Variants in MAPKAP1 observed in about 807,000 individuals in gnomAD.
MAPKAP1 encodes the protein target of rapamycin complex 2 subunit MAPKAP1.
Under a neutral mutation model 65.7 loss-of-function variants are expected in MAPKAP1, and 20 were observed. The observed-to-expected ratio is 0.30, with a 90% CI of 0.21 to 0.44. The LOEUF (loss-of-function observed/expected upper bound fraction) is 0.44. MAPKAP1 is among the 20% of genes least tolerant of loss of function. The pLI, the probability that MAPKAP1 is intolerant of heterozygous loss-of-function variation, is 1.00. For synonymous variants in MAPKAP1, 222 were observed against 244.3 expected (o/e 0.91, Z 0.85); for missense variants, 423 against 648.0 (o/e 0.65, Z 3.77).
At chr9:125,513,126 C>A in intron 7 of MAPKAP1, 1 of 152,300 alleles carries the variant, frequency 6.6e-6, no homozygotes, top group Non-Finnish European at 1.5e-5. Flanking sequence ...AGGCTGTAGC[C>A]CAGAAATCCT....
At chr9:125,598,293 G>C (rs1832199746) in intron 4 of MAPKAP1, among the ~76,000 whole-genome samples, 1 of 152,118 alleles carries the variant, frequency 6.6e-6, no homozygotes, top group Non-Finnish European at 1.5e-5. Context: ...AATGCTTAAA[G>C]GCTATTAAAT....
chr9:125,533,294 C>T lies in MAPKAP1; in HGVS notation c.958+9765G>A, dbSNP rs115029065. ...AATAAATACATTTAAAAATACTAAA[C>T]GACACTAAAGACCCAGAAATGCAAA... On this transcript the variant is annotated intron_variant, in intron 7 of 11. Transcript: ENST00000265960. Among the ~76,000 whole-genome samples, 1,125 of 152,104 alleles carry T rather than the reference C, an allele frequency of 7.4e-3. 19 individuals are homozygous for T. Among genetic ancestry groups the T allele is most frequent in the African/African-American group, 0.025 (1,048 of 41,442 alleles).
At chr9:125,521,621 C>G in intron 7 of MAPKAP1, 1 of 1,513,764 alleles carries the variant, frequency 6.6e-7, no homozygotes, top group Non-Finnish European at 8.8e-7. Context: ...GGGGAACAGA[C>G]AGTAAATCCA....
At chr9:125,549,883 C>T (rs187729748) in intron 6 of MAPKAP1, among the ~76,000 whole-genome samples, 12 of 152,288 alleles carry the variant, frequency 7.9e-5, no homozygotes, top group Non-Finnish European at 8.8e-5. Flanking sequence ...CCTAATCAAA[C>T]TCAATTATTT....
intron 10 of MAPKAP1, among the ~76,000 whole-genome samples, chr9:125,454,354 T>C (rs1345059704): frequency 2.0e-5 from 3 of 152,372 alleles, no homozygotes; most frequent in African/African-American, 7.2e-5. Context: ...ACTTAAAGTC[T>C]ATGACAAGCT....
intron 8 of MAPKAP1, 131 bp from the exon 9 acceptor site, chr9:125,484,714 A>G: frequency 1.2e-6 from 1 of 811,702 alleles, no homozygotes; most frequent in Non-Finnish European, 1.8e-6. Flanking sequence ...CTGAGCGATG[A>G]CTTAATAATG....
At chr9:125,596,110 C>T in intron 4 of MAPKAP1, 1 of 834,966 alleles carries the variant, frequency 1.2e-6, no homozygotes, top group Non-Finnish European at 2.1e-6. Flanking sequence ...AGGGGACTTG[C>T]CTTTGTAACC....
chr9:125,553,305 G>A (rs922413155), intron 6 of MAPKAP1, among the ~76,000 whole-genome samples: 1 of 152,180 alleles, frequency 6.6e-6, no homozygotes, highest in Non-Finnish European at 1.5e-5. Context: ...GATTTGGGAG[G>A]TAGAGGCAGG....
chr9:125,485,941 T>C (rs1020436059), intron 8 of MAPKAP1, among the ~76,000 whole-genome samples: 3 of 152,192 alleles, frequency 2.0e-5, no homozygotes, highest in Admixed American at 6.5e-5. Context: ...TTTCTTCTAG[T>C]GTCAGGGTGG....
intron 7 of MAPKAP1, among the ~76,000 whole-genome samples, chr9:125,540,758 C>T (rs770644349): frequency 6.6e-6 from 1 of 152,186 alleles, no homozygotes; most frequent in Non-Finnish European, 1.5e-5. Flanking sequence ...TAAGTTCATG[C>T]GTCATAATGG....
At chr9:125,465,342 A>G (rs895319636) in intron 10 of MAPKAP1, among the ~76,000 whole-genome samples, 9 of 152,210 alleles carry the variant, frequency 5.9e-5, no homozygotes, top group African/African-American at 2.2e-4. Context: ...TGATGTTAAA[A>G]TAACTTTTTT....
chr9:125,642,370 A>T (rs1833604661), intron 4 of MAPKAP1, among the ~76,000 whole-genome samples: 1 of 152,204 alleles, frequency 6.6e-6, no homozygotes, highest in African/African-American at 2.4e-5. Context: ...GGAGAATAAA[A>T]ATTCCAGGCA....
intron 4 of MAPKAP1, among the ~76,000 whole-genome samples, chr9:125,621,299 C>A (rs1046843058): frequency 1.3e-5 from 2 of 151,814 alleles, no homozygotes. Flanking sequence ...AAAAACAAAC[C>A]ACAAAAGTGC....
chr9:125,506,773 T>C (rs1272192154), intron 7 of MAPKAP1, among the ~76,000 whole-genome samples: 1 of 152,192 alleles, frequency 6.6e-6, no homozygotes, highest in Non-Finnish European at 1.5e-5. Context: ...CCTTGAAAGA[T>C]TGTTGTAAGG....
chr9:125,529,301 T>C (rs1419515745), intron 7 of MAPKAP1, among the ~76,000 whole-genome samples: 1 of 152,102 alleles, frequency 6.6e-6, no homozygotes, highest in East Asian at 1.9e-4. Flanking sequence ...TCTCCTCTAT[T>C]AGAATGTTAG....
At chr9:125,690,075 C>A (rs895291748) in intron 1 of MAPKAP1, among the ~76,000 whole-genome samples, 1 of 152,104 alleles carries the variant, frequency 6.6e-6, no homozygotes, top group Admixed American at 6.5e-5. Context: ...GCTACAAGAG[C>A]AAAAGTCCAT....
intron 3 of MAPKAP1, among the ~76,000 whole-genome samples, chr9:125,666,025 A>G (rs1193735263): frequency 6.6e-6 from 1 of 152,250 alleles, no homozygotes; most frequent in Admixed American, 6.5e-5. Context: ...TACTTGTTAA[A>G]TGATTCAATG....
chr9:125,561,350 G>A (rs754204957), intron 5 of MAPKAP1, among the ~76,000 whole-genome samples: 1 of 152,148 alleles, frequency 6.6e-6, no homozygotes, highest in Non-Finnish European at 1.5e-5. Flanking sequence ...ATGACTAAGA[G>A]ATATTTATTA....
At chr9:125,675,726 A>G (rs1250736) in intron 1 of MAPKAP1, among the ~76,000 whole-genome samples, 70,322 of 152,032 alleles carry the variant, frequency 0.46, 18,371 homozygotes, top group South Asian at 0.58. Context: ...TTCTGGCAAC[A>G]AAGGCTGTTA....
Sources: allele counts gnomAD v4.1 joint callset (sites outside exome capture counted in the v4.1 genomes callset), GRCh38; gene constraint gnomAD v4.1.1; transcripts MANE v1.5; gene names NCBI Gene and HGNC (gene_info 2026-07-23, HGNC 2026-07-21).